Variants in LRRC37A2 observed in about 807,000 individuals in gnomAD.
LRRC37A2 encodes the protein leucine-rich repeat-containing protein 37A2.
In LRRC37A2, 9 loss-of-function variants were observed where a neutral mutation model predicts 68.8. The observed-to-expected ratio is 0.13, with a 90% CI of 0.08 to 0.23. The LOEUF is 0.23. Among genes scored for constraint, LRRC37A2 ranks in the 10% least tolerant of loss-of-function variants. The probability of loss-of-function intolerance (pLI) is 1.00; values close to 1 mark genes in which losing one functional copy is unlikely to be tolerated. For synonymous variants in LRRC37A2, 63 were observed against 367.6 expected (o/e 0.17, Z 9.48); for missense variants, 168 against 950.4 (o/e 0.18, Z 10.82).
At chr17:46,774,353 C>G in the LRRC37A2 span, among the ~76,000 whole-genome samples, 1 of 152,222 alleles carries the variant, frequency 6.6e-6, no homozygotes, top group East Asian at 1.9e-4. Flanking sequence ...ATGGGACACG[C>G]GCGCGCGCGC....
the LRRC37A2 span, among the ~76,000 whole-genome samples, chr17:46,733,617 C>A: frequency 1.3e-5 from 2 of 152,206 alleles, no homozygotes; most frequent in Non-Finnish European, 2.9e-5. Context: ...AAAATGATAA[C>A]ATCTGATGAT....
the LRRC37A2 span, among the ~76,000 whole-genome samples, chr17:46,671,814 A>T: frequency 2.2e-5 from 3 of 137,464 alleles, no homozygotes; most frequent in Admixed American, 2.2e-4. Flanking sequence ...TGTGTACAGA[A>T]GCATAGTTGC....
the LRRC37A2 span, among the ~76,000 whole-genome samples, chr17:46,761,218 GCAT>G: frequency 1.8e-4 from 28 of 152,232 alleles, no homozygotes; most frequent in African/African-American, 6.7e-4. Context: ...AAAACAGAGT[GCAT>G]CAACTTCTGG....
the LRRC37A2 span, among the ~76,000 whole-genome samples, chr17:46,855,705 T>C: frequency 2.6e-5 from 4 of 152,232 alleles, no homozygotes; most frequent in Non-Finnish European, 5.9e-5. Flanking sequence ...AGTCTATTTA[T>C]TTATTTATTT....
chr17:46,734,092 T>G, the LRRC37A2 span, among the ~76,000 whole-genome samples: 1 of 152,228 alleles, frequency 6.6e-6, no homozygotes. Context: ...ACATGACATC[T>G]TAGCAGTCTT....
chr17:46,710,726 A>G, the LRRC37A2 span, among the ~76,000 whole-genome samples: 1 of 152,174 alleles, frequency 6.6e-6, no homozygotes, highest in Non-Finnish European at 1.5e-5. Flanking sequence ...GTCTGGTGGA[A>G]TCTCAGCCTA....
chr17:46,502,686 T>G, the LRRC37A2 span, among the ~76,000 whole-genome samples: 8 of 151,348 alleles, frequency 5.3e-5, no homozygotes, highest in African/African-American at 2.0e-4. Flanking sequence ...AATAATGTTT[T>G]AAAATCAAGG....
At chr17:46,818,894 C>T in the LRRC37A2 span, 1 of 499,768 alleles carries the variant, frequency 2.0e-6, no homozygotes, top group Non-Finnish European at 3.6e-6. Context: ...AAGGGCATCG[C>T]CCAGCAAACT....
At chr17:46,440,522 A>G in the LRRC37A2 span, among the ~76,000 whole-genome samples, 1 of 17,000 alleles carries the variant, frequency 5.9e-5, no homozygotes, top group East Asian at 4.7e-4. Context: ...GCTGGAGTGC[A>G]GTCGTGTGAT....
chr17:46,722,046 T>A, the LRRC37A2 span: 10 of 1,602,712 alleles, frequency 6.2e-6, no homozygotes, highest in South Asian at 1.1e-4. Flanking sequence ...TTCAGCTCCC[T>A]GAGCTGAGCC....
chr17:46,791,263 T>C, the LRRC37A2 span, among the ~76,000 whole-genome samples: 1 of 151,924 alleles, frequency 6.6e-6, no homozygotes, highest in Non-Finnish European at 1.5e-5. Context: ...ACCCAGGCTG[T>C]AGTGCAGTGG....
the LRRC37A2 span, chr17:46,726,485 C>T: frequency 6.8e-7 from 1 of 1,474,708 alleles, no homozygotes; most frequent in Non-Finnish European, 9.5e-7. Context: ...AGTAACTAAA[C>T]TTCTTGGAAA....
At chr17:46,867,074 T>A in the LRRC37A2 span, among the ~76,000 whole-genome samples, 15 of 152,354 alleles carry the variant, frequency 9.8e-5, no homozygotes, top group South Asian at 3.1e-3. Context: ...AAGCAGCTAC[T>A]GGTGTTTCCT....
the LRRC37A2 span, among the ~76,000 whole-genome samples, chr17:47,035,648 G>A: frequency 6.6e-6 from 1 of 152,154 alleles, no homozygotes; most frequent in African/African-American, 2.4e-5. Context: ...CTTTTTGTGT[G>A]GACATGTTTT....
chr17:46,877,958 C>T, the LRRC37A2 span, among the ~76,000 whole-genome samples: 2 of 152,216 alleles, frequency 1.3e-5, no homozygotes, highest in African/African-American at 4.8e-5. Flanking sequence ...ATAATTTCCT[C>T]AGATCCTGTG....
chr17:47,008,236 G>A, the LRRC37A2 span, among the ~76,000 whole-genome samples: 113 of 149,284 alleles, frequency 7.6e-4, no homozygotes, highest in Non-Finnish European at 1.2e-4. Flanking sequence ...TTAGCCTCCC[G>A]AGTAGCTGGG....
the LRRC37A2 span, among the ~76,000 whole-genome samples, chr17:46,734,915 G>A: frequency 6.6e-6 from 1 of 152,112 alleles, no homozygotes; most frequent in African/African-American, 2.4e-5. Flanking sequence ...GTCGAATGTG[G>A]TGGTGAGCAT....
the LRRC37A2 span, among the ~76,000 whole-genome samples, chr17:46,492,868 G>C: frequency 6.7e-6 from 1 of 150,156 alleles, no homozygotes; most frequent in Non-Finnish European, 1.5e-5. Flanking sequence ...TAATTTTTTT[G>C]TATATTTAGT....
chr17:46,497,004 A>G, the LRRC37A2 span, among the ~76,000 whole-genome samples: 1 of 137,444 alleles, frequency 7.3e-6, no homozygotes, highest in Non-Finnish European at 1.6e-5. Flanking sequence ...TGTTAAAATG[A>G]CATATCTTTC....
Sources: gnomAD v4.1 joint callset for allele counts (sites outside exome capture counted in the v4.1 genomes callset) on GRCh38, gnomAD v4.1.1 for gene constraint, MANE v1.5 for transcripts, NCBI Gene and HGNC (gene_info 2026-07-23, HGNC 2026-07-21) for gene names.